Variants in DCC observed in about 807,000 individuals in gnomAD.
The protein encoded by DCC is netrin receptor DCC.
In DCC, 58 loss-of-function variants were observed where a neutral mutation model predicts 172.5. The observed-to-expected ratio is 0.34, with a 90% CI of 0.27 to 0.42. The LOEUF is 0.42. Among genes scored for constraint, DCC ranks in the 10% least tolerant of loss-of-function variants. The probability of loss-of-function intolerance (pLI) is 1.00; values close to 1 mark genes in which losing one functional copy is unlikely to be tolerated. For missense variants in DCC, 1,740 were observed against 1,791.0 expected (o/e 0.97, Z 0.51); for synonymous variants, 709 against 644.5 (o/e 1.10, Z -1.52).
At chr18:53,063,603 T>C in intron 6 of DCC, 144 bp downstream of exon 6, 1 of 661,062 alleles carries the variant, frequency 1.5e-6, no homozygotes, top group Non-Finnish European at 2.6e-6. Flanking sequence ...ATAAAGCAAA[T>C]GATTTTCTAG....
chr18:52,867,138 A>G (rs1002985991), intron 2 of DCC, among the ~76,000 whole-genome samples: 2 of 152,190 alleles, frequency 1.3e-5, no homozygotes, highest in African/African-American at 4.8e-5. Context: ...TGAGATAATC[A>G]TGTGGTTTTT....
At chr18:53,252,526 C>G (rs767163024) in intron 12 of DCC, among the ~76,000 whole-genome samples, 2 of 151,920 alleles carry the variant, frequency 1.3e-5, no homozygotes, top group African/African-American at 4.8e-5. Context: ...TTAAGAATTT[C>G]TAGTTAGTGC....
At chr18:52,942,455 T>G (rs2040478908) in intron 5 of DCC, among the ~76,000 whole-genome samples, 1 of 152,180 alleles carries the variant, frequency 6.6e-6, no homozygotes, top group Admixed American at 6.5e-5. Context: ...CTCCTATGTT[T>G]GTTCATATCT....
At chr18:53,190,905 C>G (rs1381614398) in intron 9 of DCC, among the ~76,000 whole-genome samples, 6 of 152,322 alleles carry the variant, frequency 3.9e-5, no homozygotes, top group African/African-American at 1.4e-4. Context: ...GAGATCGCGT[C>G]ACTGCACTCT....
intron 5 of DCC, among the ~76,000 whole-genome samples, chr18:53,057,777 A>G (rs2042431413): frequency 6.6e-6 from 1 of 152,162 alleles, no homozygotes; most frequent in Admixed American, 6.6e-5. Flanking sequence ...AGCCTAAAGT[A>G]GTGAAATGAG....
At chr18:52,800,957 T>C (rs1401650262) in intron 2 of DCC, among the ~76,000 whole-genome samples, 4 of 152,184 alleles carry the variant, frequency 2.6e-5, no homozygotes, top group Non-Finnish European at 4.4e-5. Flanking sequence ...TCATTGACAA[T>C]AGCCTTGTTA....
chr18:52,425,353 A>G (rs1987388594), intron 1 of DCC, among the ~76,000 whole-genome samples: 1 of 152,126 alleles, frequency 6.6e-6, no homozygotes, highest in South Asian at 2.1e-4. Context: ...TCTAAGTCTC[A>G]TGATGATCCA....
intron 1 of DCC, among the ~76,000 whole-genome samples, chr18:52,467,367 G>C (rs1277014390): frequency 6.8e-6 from 1 of 146,652 alleles, no homozygotes; most frequent in Non-Finnish European, 1.5e-5. Context: ...CCCTGCAAAG[G>C]ACACGAACTC....
intron 1 of DCC, among the ~76,000 whole-genome samples, chr18:52,644,438 G>A (rs989602985): frequency 1.3e-5 from 2 of 152,202 alleles, no homozygotes; most frequent in South Asian, 4.2e-4. Flanking sequence ...CATTAGCTGG[G>A]CCTGGTGGCA....
rs1382263768 is a variant in DCC at position 52,812,391 on chromosome 18, AG to A, written c.412+60019del. 2.0e-5 allele frequency among the ~76,000 whole-genome samples: 3 copies of A among 152,310 alleles called. No homozygotes were observed. The East Asian group carries it at 5.8e-4, about 29-fold the overall frequency. On this transcript the variant is annotated intron_variant, in intron 2 of 28. Transcript: ENST00000442544. ...TGACAAGTTAATTGTGATTTCAGGTAGGAGGGAAGACAAGTATCTTCAGTAC... is the reference window on the plus strand; with the variant it reads ...TGACAAGTTAATTGTGATTTCAGGTAGAGGGAAGACAAGTATCTTCAGTAC...
rs113862985 is a variant in DCC, at chr18:53,213,372, G to A, written c.1862-2176G>A. 1.8e-3 allele frequency among the ~76,000 whole-genome samples: 271 copies of A among 151,966 alleles called. 2 individuals carry two copies. The highest frequency in any genetic ancestry group is 6.1e-3 in the African/African-American group (252 of 41,466). ...TTCATGTTTAAGAAGTGACTCGGCC[G>A]GGCGTAGTGGCTCACTCCTGTAATC... On this transcript the variant is annotated intron_variant, in intron 11 of 28. Transcript: ENST00000442544.
chr18:52,472,852 AACTAT>A (rs1988986050), intron 1 of DCC, among the ~76,000 whole-genome samples: 1 of 152,150 alleles, frequency 6.6e-6, no homozygotes, highest in Non-Finnish European at 1.5e-5. Context: ...GGCTGCAGTC[AACTAT>A]GATTGTGCCA....
At chr18:52,353,788 C>A (rs2144251361) in intron 1 of DCC, among the ~76,000 whole-genome samples, 1 of 152,290 alleles carries the variant, frequency 6.6e-6, no homozygotes, top group African/African-American at 2.4e-5. Context: ...GAATGAAAAT[C>A]ACTAGTGTTC....
intron 2 of DCC, among the ~76,000 whole-genome samples, chr18:52,804,969 T>A (rs2038060721): frequency 6.6e-6 from 1 of 152,080 alleles, no homozygotes; most frequent in Admixed American, 6.5e-5. Flanking sequence ...ATACACAAAC[T>A]TTATATTTTC....
At chr18:53,408,592 G>A (rs1909810571) in intron 19 of DCC, among the ~76,000 whole-genome samples, 1 of 152,112 alleles carries the variant, frequency 6.6e-6, no homozygotes, top group African/African-American at 2.4e-5. Flanking sequence ...ACAAGACTTA[G>A]GGCCCATCTA....
chr18:52,610,178 AATATATATATAT>A lies in DCC; in HGVS notation c.92-141838_92-141827del, dbSNP rs1158849717. ...AAAAAAAAAAAAAAAAAAAAAAAAA[AATATATATATAT>A]ATATATATATATATATATATATATA... On this transcript the variant is annotated intron_variant, in intron 1 of 28. Coordinates refer to ENST00000442544, the MANE Select transcript of DCC (RefSeq NM_005215.4). Among the ~76,000 whole-genome samples the A allele has an allele frequency of 8.5e-3, 119 of 14,048 alleles. 1 individual carries two copies. The highest frequency in any genetic ancestry group is 0.018 in the East Asian group (9 of 506). The allele number at this position is 14,048 out of a possible 152,430, so 9.2% of individuals were successfully genotyped here. A position where few individuals can be genotyped will look rare whatever the true frequency, so the allele number is the denominator to read the frequency against.
At chr18:53,156,179 G>T (rs915242060) in intron 7 of DCC, among the ~76,000 whole-genome samples, 3 of 152,066 alleles carry the variant, frequency 2.0e-5, no homozygotes, top group Non-Finnish European at 4.4e-5. Context: ...ACTGTGAAAT[G>T]AATATTTTAA....
At chr18:52,808,848 G>A (rs1420596582) in intron 2 of DCC, among the ~76,000 whole-genome samples, 1 of 152,152 alleles carries the variant, frequency 6.6e-6, no homozygotes, top group East Asian at 1.9e-4. Flanking sequence ...CATGTTCTAA[G>A]CATTGGATGG....
intron 5 of DCC, among the ~76,000 whole-genome samples, chr18:52,996,506 C>G (rs902739164): frequency 1.1e-4 from 16 of 151,982 alleles, no homozygotes; most frequent in Non-Finnish European, 1.0e-4. Context: ...AAGCAGTATT[C>G]TTCACTGATA....
Sources: gnomAD v4.1 joint callset for allele counts (sites outside exome capture counted in the v4.1 genomes callset) on GRCh38, gnomAD v4.1.1 for gene constraint, MANE v1.5 for transcripts, NCBI Gene and HGNC (gene_info 2026-07-23, HGNC 2026-07-21) for gene names.